SRD5A2: variants seen among roughly 807,000 people sequenced by gnomAD.
SRD5A2 encodes the protein steroid 5 alpha-reductase 2, also known as 3-oxo-5-alpha-steroid 4-dehydrogenase 2.
A neutral mutation model predicts 27.4 loss-of-function variants in SRD5A2; 30 were observed. That is an observed-to-expected ratio of 1.10 (90% CI 0.82 to 1.49). The LOEUF is 1.49. SRD5A2 is among the 40% of genes most tolerant of loss of function. SRD5A2 has a pLI of 0.00. For missense variants in SRD5A2, 348 were observed against 323.4 expected (o/e 1.08, Z -0.58); for synonymous variants, 141 against 133.6 (o/e 1.06, Z -0.38).
At chr2:31,527,358 T>C (rs28383080) in intron 4 of SRD5A2, among the ~76,000 whole-genome samples, 76 of 152,270 alleles carry the variant, frequency 5.0e-4, no homozygotes, top group South Asian at 1.0e-3. Flanking sequence ...AGGTGGCTGG[T>C]TTTCGGTACT....
chr2:31,573,211 T>C (rs1666887334), intron 1 of SRD5A2, among the ~76,000 whole-genome samples: 1 of 152,132 alleles, frequency 6.6e-6, no homozygotes, highest in African/African-American at 2.4e-5. Flanking sequence ...ATAACAGGGA[T>C]TGCCTCAAGG....
intron 1 of SRD5A2, among the ~76,000 whole-genome samples, chr2:31,578,664 C>CT (rs1443184608): frequency 6.6e-6 from 1 of 152,190 alleles, no homozygotes; most frequent in Non-Finnish European, 1.5e-5. Flanking sequence ...AAGAGTTGTA[C>CT]TTCCAGTGGG....
intron 1 of SRD5A2, among the ~76,000 whole-genome samples, chr2:31,534,374 T>C (rs536788417): frequency 6.6e-5 from 10 of 152,258 alleles, no homozygotes; most frequent in East Asian, 1.9e-4. Context: ...TATTTACTCA[T>C]TGTGGGGTTT....
chr2:31,632,959 C>G, the SRD5A2 span, among the ~76,000 whole-genome samples: 1 of 152,234 alleles, frequency 6.6e-6, no homozygotes, highest in African/African-American at 2.4e-5. Flanking sequence ...TATCAAACAT[C>G]AGGAAGCCAT....
At chr2:31,564,779 T>C (rs1017566478) in intron 1 of SRD5A2, among the ~76,000 whole-genome samples, 1 of 151,990 alleles carries the variant, frequency 6.6e-6, no homozygotes, top group Non-Finnish European at 1.5e-5. Context: ...TCAATCTGGA[T>C]TGCTATATCC....
In SRD5A2 at chr2:31,580,826, C is replaced by T. The variant is rs782168484; in HGVS notation, c.75G>A (p.Leu25=). The part of the protein sequence containing the change: ...ATLVALGALA[L]YVAKPSGYGK... ...CGTAGCCGGAGGGCTTCGCGACGTA[C>T]AAGGCCAGTGCCCCAAGGGCGACCA... The change falls in exon 1 of 5, where the codon TTG becomes TTA. Residue 25 remains leucine, a synonymous_variant. Transcript: ENST00000622030. The T allele has an allele frequency of 1.2e-5, 20 of 1,612,444 alleles. No homozygotes were observed. Among genetic ancestry groups the T allele is most frequent in the Admixed American group, 3.3e-5 (2 of 59,998 alleles).
At chr2:31,661,661 T>C in the SRD5A2 span, among the ~76,000 whole-genome samples, 1 of 152,212 alleles carries the variant, frequency 6.6e-6, no homozygotes, top group Admixed American at 6.5e-5. Flanking sequence ...GTTTTCCGTA[T>C]ATTTACCCTG....
intron 1 of SRD5A2, among the ~76,000 whole-genome samples, chr2:31,563,812 A>T (rs1307518389): frequency 6.6e-6 from 1 of 152,146 alleles, no homozygotes; most frequent in African/African-American, 2.4e-5. Context: ...AGAAAAGCTC[A>T]TATAAGACAT....
intron 1 of SRD5A2, among the ~76,000 whole-genome samples, chr2:31,535,588 C>T (rs1455683819): frequency 6.6e-6 from 1 of 152,102 alleles, no homozygotes; most frequent in Non-Finnish European, 1.5e-5. Flanking sequence ...GTGCTGTCTC[C>T]CTAGAAACTA....
Position 31,538,140 on chromosome 2 carries a change from C to T in SRD5A2, c.282-4374G>A, listed in dbSNP as rs76888933. ...AACTCAGACTCCTGTGGGCAACCTC[C>T]TACTATGCCCCTAGTTTAATGGATA... is the stretch of plus-strand genomic sequence containing the variant. On this transcript the variant is annotated intron_variant, in intron 1 of 4. Transcript: ENST00000622030. Among the ~76,000 whole-genome samples the T allele has an allele frequency of 6.6e-3, 1,004 of 152,280 alleles. 20 individuals are homozygous for T. The highest frequency in any genetic ancestry group is 0.022 in the African/African-American group (915 of 41,554).
chr2:31,611,906 C>T, the SRD5A2 span, among the ~76,000 whole-genome samples: 1 of 152,050 alleles, frequency 6.6e-6, no homozygotes, highest in African/African-American at 2.4e-5. Context: ...GGAAACTACT[C>T]AACTATCTGA....
At chr2:31,597,619 A>G in the SRD5A2 span, among the ~76,000 whole-genome samples, 1 of 152,146 alleles carries the variant, frequency 6.6e-6, no homozygotes, top group Admixed American at 6.6e-5. Context: ...GAAAAAAACA[A>G]TCTCATCAAA....
rs149813643 is a variant in SRD5A2 at position 31,529,516 on chromosome 2, C to A, written c.548-59G>T. 7 of 1,584,112 alleles carry A rather than the reference C, an allele frequency of 4.4e-6. No individual in the cohort carries two copies. In the Admixed American group the frequency reaches 1.3e-4, roughly 28 times the overall value. On this transcript the variant is annotated intron_variant, in intron 3 of 4. Coordinates refer to ENST00000622030, the MANE Select transcript of SRD5A2 (RefSeq NM_000348.4). ...CAACTGAATCATTTTGACATTAAAC[C>A]CATCTGTGTTGTTCCAAAATACACA...
chr2:31,648,971 ATG>A, the SRD5A2 span, among the ~76,000 whole-genome samples: 1 of 152,172 alleles, frequency 6.6e-6, no homozygotes, highest in Non-Finnish European at 1.5e-5. Context: ...GCCTTATAAG[ATG>A]TGCTTCTCTT....
intron 1 of SRD5A2, among the ~76,000 whole-genome samples, chr2:31,575,640 C>G (rs1240069026): frequency 6.6e-6 from 1 of 152,050 alleles, no homozygotes; most frequent in African/African-American, 2.4e-5. Flanking sequence ...TTTTATTTGG[C>G]TAATCAAAAA....
Position 31,525,746 on chromosome 2 carries a change from A to G in SRD5A2, c.*450T>C, listed in dbSNP as rs1665762693. On this transcript the variant is annotated 3_prime_UTR_variant, in exon 5 of 5. Coordinates refer to ENST00000622030, the MANE Select transcript of SRD5A2 (RefSeq NM_000348.4). ...GTTTGCTCTGGGTCTTTGTGGCTTC[A>G]GAGTTTAAATTTCTGCTACTCTGTT... The G allele has an allele frequency of 4.4e-6, 1 of 228,436 alleles. No individual in the cohort carries two copies. Among genetic ancestry groups the G allele is most frequent in the Non-Finnish European group, 8.7e-6 (1 of 115,198 alleles). 14.2% of individuals were successfully genotyped at this position (228,436 alleles called of 1,614,324 possible). A position where few individuals can be genotyped will look rare whatever the true frequency, so the allele number is the denominator to read the frequency against.
At chr2:31,582,486 T>C (rs536476339), upstream of SRD5A2, among the ~76,000 whole-genome samples, 130 of 151,648 alleles carry the variant, frequency 8.6e-4, 1 homozygote, top group African/African-American at 2.9e-3. Context: ...GAATCACTCA[T>C]ACTGACCGAA....
chr2:31,548,864 G>C (rs567085056), intron 1 of SRD5A2, among the ~76,000 whole-genome samples: 1 of 151,984 alleles, frequency 6.6e-6, no homozygotes, highest in Non-Finnish European at 1.5e-5. Context: ...AAATGGATAA[G>C]CAAAATGTGG....
the SRD5A2 span, among the ~76,000 whole-genome samples, chr2:31,653,713 G>A: frequency 6.6e-6 from 1 of 152,068 alleles, no homozygotes; most frequent in African/African-American, 2.4e-5. Flanking sequence ...AGGGAGGAGT[G>A]CAACAGTGCG....
Sources: allele counts gnomAD v4.1 joint callset (sites outside exome capture counted in the v4.1 genomes callset), GRCh38; gene constraint gnomAD v4.1.1; transcripts MANE v1.5; gene names NCBI Gene and HGNC (gene_info 2026-07-23, HGNC 2026-07-21).